Variants in RPTOR observed in about 807,000 individuals in gnomAD.
RPTOR encodes the protein regulatory associated protein of MTOR complex 1.
RPTOR carries 21 observed loss-of-function variants against 169.9 expected under a neutral mutation model. The ratio of observed to expected loss-of-function variants is 0.12; its 90% CI spans 0.09 to 0.18. RPTOR has a LOEUF of 0.18. RPTOR is among the 10% of genes least tolerant of loss of function. The pLI, the probability that RPTOR is intolerant of heterozygous loss-of-function variation, is 1.00. For synonymous variants in RPTOR, 732 were observed against 753.2 expected (o/e 0.97, Z 0.46); for missense variants, 1,133 against 1,855.9 (o/e 0.61, Z 7.16).
intron 7 of RPTOR, among the ~76,000 whole-genome samples, chr17:80,792,731 G>A (rs1365374306): frequency 1.3e-5 from 2 of 152,060 alleles, no homozygotes; most frequent in African/African-American, 4.8e-5. Flanking sequence ...TCCCCTTCTG[G>A]TTGGTTTGGT....
intron 3 of RPTOR, among the ~76,000 whole-genome samples, chr17:80,703,442 T>G (rs1194295927): frequency 1.3e-5 from 2 of 152,176 alleles, no homozygotes; most frequent in East Asian, 1.9e-4. Context: ...GGGTGGGAAG[T>G]TAGCTTCAGT....
At chr17:80,962,715 A>C in intron 32 of RPTOR, 138 bp downstream of exon 32, 1 of 1,102,838 alleles carries the variant, frequency 9.1e-7, no homozygotes. Flanking sequence ...ACATAAAAAC[A>C]AAAGATGTCT....
intron 3 of RPTOR, among the ~76,000 whole-genome samples, chr17:80,686,727 T>A (rs992876207): frequency 6.6e-6 from 1 of 152,156 alleles, no homozygotes; most frequent in East Asian, 1.9e-4. Flanking sequence ...TATGAAGAGG[T>A]ACTTGCTTGA....
At chr17:80,843,449 G>C (rs1311878496) in intron 10 of RPTOR, among the ~76,000 whole-genome samples, 1 of 151,552 alleles carries the variant, frequency 6.6e-6, no homozygotes, top group East Asian at 1.9e-4. Context: ...TTGGTTTATT[G>C]AGATAGTAGG....
At chr17:80,856,303 G>A (rs1193413635) in intron 12 of RPTOR, among the ~76,000 whole-genome samples, 1 of 152,192 alleles carries the variant, frequency 6.6e-6, no homozygotes, top group Non-Finnish European at 1.5e-5. Flanking sequence ...TTTTATAAAA[G>A]AGACCTAATT....
chr17:80,763,940 A>G (rs954919615), intron 6 of RPTOR, among the ~76,000 whole-genome samples: 3 of 152,062 alleles, frequency 2.0e-5, no homozygotes, highest in East Asian at 1.9e-4. Flanking sequence ...ATTAATCCCA[A>G]TAACTAATCT....
chr17:80,962,733 A>G (rs1034501528), intron 32 of RPTOR, among the ~76,000 whole-genome samples, 156 bp downstream of exon 32: 4 of 152,204 alleles, frequency 2.6e-5, no homozygotes, highest in African/African-American at 9.6e-5. Flanking sequence ...TCTGCCCACC[A>G]CATCCTCCCA....
At chr17:80,756,503 C>T (rs1420423129) in intron 6 of RPTOR, among the ~76,000 whole-genome samples, 1 of 152,032 alleles carries the variant, frequency 6.6e-6, no homozygotes, top group African/African-American at 2.4e-5. Flanking sequence ...TGTAATGGCC[C>T]CAACACAAAA....
At chr17:80,944,859 C>T (rs1011482604) in intron 25 of RPTOR, among the ~76,000 whole-genome samples, 1 of 151,980 alleles carries the variant, frequency 6.6e-6, no homozygotes, top group African/African-American at 2.4e-5. Context: ...GGCGTGGTGG[C>T]GGATGCCTGT....
In RPTOR at chr17:80,651,549, G is replaced by A. The variant is rs1461000620; in HGVS notation, c.348+7739G>A. 6.6e-6 allele frequency among the ~76,000 whole-genome samples: 1 copy of A among 152,136 alleles called. No homozygotes were observed. Among genetic ancestry groups the A allele is most frequent in the Non-Finnish European group, 1.5e-5 (1 of 68,036 alleles). ...ACATAATGGAGATTTTTTTAAAATGGACATACGAAGCACATAACGTCAAGT... is the reference window on the plus strand; with the variant it reads ...ACATAATGGAGATTTTTTTAAAATGAACATACGAAGCACATAACGTCAAGT... On this transcript the variant is annotated intron_variant, in intron 3 of 33. Coordinates refer to ENST00000306801, the MANE Select transcript of RPTOR (RefSeq NM_020761.3). This position sits in a 1 kb window ranked among gnomAD's most constrained non-coding sequence, Gnocchi z 4.1.
chr17:80,764,991 G>A (rs57860295), intron 6 of RPTOR, among the ~76,000 whole-genome samples: 37,171 of 152,090 alleles, frequency 0.24, 4,600 homozygotes, highest in South Asian at 0.27. Context: ...TGTAGCCAAA[G>A]CAGGCGAGGA....
chr17:80,661,710 C>G (rs949116389), intron 3 of RPTOR, among the ~76,000 whole-genome samples: 2 of 152,128 alleles, frequency 1.3e-5, no homozygotes, highest in African/African-American at 4.8e-5. Context: ...CCCCCGCCCC[C>G]TTTCTTAGTG....
intron 5 of RPTOR, among the ~76,000 whole-genome samples, chr17:80,749,598 G>A (rs917044366): frequency 8.6e-5 from 13 of 151,960 alleles, no homozygotes; most frequent in Admixed American, 2.6e-4. Context: ...GAGGGGCTGC[G>A]GTGTGTGTTT....
rs572366270 is a variant in RPTOR at position 80,613,080 on chromosome 17, TG to T, written c.163-12609del. On this transcript the variant is annotated intron_variant, in intron 1 of 33. Transcript: ENST00000306801. ...CTGTAAGATGAAGGCCCCCCTGCCCTGGTGTGATGTGTGGCCTTCAGTGATC... is the reference window on the plus strand; with the variant it reads ...CTGTAAGATGAAGGCCCCCCTGCCCTGTGTGATGTGTGGCCTTCAGTGATC... 1.7e-3 allele frequency among the ~76,000 whole-genome samples: 252 copies of T among 152,302 alleles called. 1 individual carries two copies. The Middle Eastern group carries it at 0.024, about 14-fold the overall frequency.
At chr17:80,900,311 C>G (rs976564747) in intron 20 of RPTOR, among the ~76,000 whole-genome samples, 1 of 151,946 alleles carries the variant, frequency 6.6e-6, no homozygotes, top group Non-Finnish European at 1.5e-5. Context: ...CTCCTGGGGC[C>G]GTGTGCTCAC....
chr17:80,742,858 G>T (rs373541388), intron 5 of RPTOR, among the ~76,000 whole-genome samples: 260 of 151,652 alleles, frequency 1.7e-3, no homozygotes, highest in African/African-American at 5.7e-3. Flanking sequence ...ACATATACAT[G>T]TGCACACAGA....
chr17:80,957,444 G>A lies in RPTOR; in HGVS notation c.3371-180G>A, dbSNP rs562183052. ...TCAGAATTGTCACCCCAGCCTGGAC[G>A]TGGGGCACACCAGGGTCCCTAGCGG... On this transcript the variant is annotated intron_variant, in intron 28 of 33. Coordinates refer to ENST00000306801, the MANE Select transcript of RPTOR (RefSeq NM_020761.3). The surrounding 1 kb of genome is among the most constrained non-coding windows in gnomAD (Gnocchi z 4.6). Among the ~76,000 whole-genome samples the A allele has an allele frequency of 6.6e-6, 1 of 152,314 alleles. No individual in the cohort carries two copies. The highest frequency in any genetic ancestry group is 2.4e-5 in the African/African-American group (1 of 41,572).
chr17:80,747,668 G>A (rs375629735), intron 5 of RPTOR, among the ~76,000 whole-genome samples: 5 of 152,218 alleles, frequency 3.3e-5, no homozygotes, highest in African/African-American at 7.2e-5. Flanking sequence ...AGATAGGCAC[G>A]GCAGATGCAA....
In RPTOR at chr17:80,609,943, C is replaced by T. The variant is rs557295835; in HGVS notation, c.163-15748C>T. ...GTAGATAGCACATTCCCCTGCAGTG[C>T]CTGCTGGGTCCTGGAACGAGGCCTT... On this transcript the variant is annotated intron_variant, in intron 1 of 33. Transcript: ENST00000306801. This position sits in a 1 kb window ranked among gnomAD's most constrained non-coding sequence, Gnocchi z 4.8. Among the ~76,000 whole-genome samples, 21 of 151,852 alleles carry T rather than the reference C, an allele frequency of 1.4e-4. No homozygotes were observed. The highest frequency in any genetic ancestry group is 5.1e-4 in the African/African-American group (21 of 41,382).
Sources: gnomAD v4.1 joint callset for allele counts (sites outside exome capture counted in the v4.1 genomes callset) on GRCh38, gnomAD v4.1.1 for gene constraint, Gnocchi (gnomAD v3.1) non-coding constraint, MANE v1.5 for transcripts, NCBI Gene and HGNC (gene_info 2026-07-23, HGNC 2026-07-21) for gene names.